TYW1: variants seen among roughly 807,000 people sequenced by gnomAD.
TYW1 encodes the protein tRNA-yW synthesizing protein 1 homolog, also known as S-adenosyl-L-methionine-dependent tRNA 4-demethylwyosine synthase TYW1.
Under a neutral mutation model 96.2 loss-of-function variants are expected in TYW1, and 46 were observed. The observed-to-expected ratio is 0.48, with a 90% CI of 0.38 to 0.61. TYW1 has a LOEUF of 0.61. Ranked by LOEUF, TYW1 falls within the 20% of genes least tolerant of loss-of-function variation. The pLI, the probability that TYW1 is intolerant of heterozygous loss-of-function variation, is 0.00. For missense variants in TYW1, 684 were observed against 909.6 expected (o/e 0.75, Z 3.19); for synonymous variants, 274 against 323.0 (o/e 0.85, Z 1.63).
intron 11 of TYW1, among the ~76,000 whole-genome samples, chr7:67,084,910 C>T (rs1235475485): frequency 1.3e-5 from 2 of 152,198 alleles, no homozygotes; most frequent in Non-Finnish European, 2.9e-5. Context: ...CATAAAGCAA[C>T]AGCTGTAGGT....
At chr7:67,094,840 A>C (rs1796843834) in intron 11 of TYW1, among the ~76,000 whole-genome samples, 1 of 152,112 alleles carries the variant, frequency 6.6e-6, no homozygotes, top group African/African-American at 2.4e-5. Flanking sequence ...TATTTTGGAC[A>C]GATCATTCTC....
chr7:67,039,301 C>T (rs1375105862), intron 7 of TYW1, among the ~76,000 whole-genome samples: 1 of 151,720 alleles, frequency 6.6e-6, no homozygotes, highest in Non-Finnish European at 1.5e-5. Flanking sequence ...CTAAAAAATA[C>T]AAAAATATTA....
At chr7:67,200,012 T>C (rs1354714518) in intron 15 of TYW1, among the ~76,000 whole-genome samples, 1 of 152,124 alleles carries the variant, frequency 6.6e-6, no homozygotes, top group Non-Finnish European at 1.5e-5. Context: ...TGAAGTGAAG[T>C]AGGCAGTTAA....
At chr7:67,042,541 G>A (rs1459611360) in intron 7 of TYW1, among the ~76,000 whole-genome samples, 1 of 152,160 alleles carries the variant, frequency 6.6e-6, no homozygotes, top group Non-Finnish European at 1.5e-5. Flanking sequence ...TTGGAGCTGT[G>A]ACATAGAGAA....
At chr7:67,096,697 C>G (rs1796930225) in intron 11 of TYW1, among the ~76,000 whole-genome samples, 1 of 151,810 alleles carries the variant, frequency 6.6e-6, no homozygotes. Flanking sequence ...AAGCCCAGTA[C>G]CCATTAGTTG....
intron 13 of TYW1, among the ~76,000 whole-genome samples, chr7:67,148,687 T>C (rs1463194677): frequency 6.6e-6 from 1 of 152,062 alleles, no homozygotes; most frequent in Non-Finnish European, 1.5e-5. Context: ...CACCTTGGCC[T>C]CCCAAAATGC....
intron 15 of TYW1, among the ~76,000 whole-genome samples, chr7:67,222,643 G>A (rs1457589384): frequency 2.0e-5 from 3 of 151,954 alleles, no homozygotes; most frequent in African/African-American, 7.3e-5. Context: ...TGATTATAAT[G>A]TGTCTTGGTG....
chr7:66,998,059 A>G lies in TYW1; in HGVS notation c.5-6A>G, dbSNP rs766941062. ...AATGAAATTGTGTGTGTCATTTTAA[A>G]TTTAGATCCTTCTGCGGATACATGG... On this transcript the variant is annotated splice_polypyrimidine_tract_variant and splice_region_variant and intron_variant, in intron 1 of 15. Coordinates refer to ENST00000359626, the MANE Select transcript of TYW1 (RefSeq NM_018264.4). The G allele has an allele frequency of 1.9e-6, 3 of 1,579,336 alleles. No homozygotes were observed. The South Asian group carries it at 3.5e-5, about 19-fold the overall frequency.
At chr7:67,192,714 A>G (rs11761577) in intron 14 of TYW1, among the ~76,000 whole-genome samples, 44,015 of 151,988 alleles carry the variant, frequency 0.29, 7,066 homozygotes, top group African/African-American at 0.43. Flanking sequence ...GGGGCTCACT[A>G]CCTGATGCTC....
At chr7:67,042,497 T>C (rs533543373) in intron 7 of TYW1, among the ~76,000 whole-genome samples, 18 of 152,258 alleles carry the variant, frequency 1.2e-4, no homozygotes, top group Admixed American at 1.0e-3. Flanking sequence ...CTAAACAGTT[T>C]GGTGTGCCTA....
intron 13 of TYW1, among the ~76,000 whole-genome samples, chr7:67,167,906 C>T (rs865849115): frequency 6.6e-6 from 1 of 151,766 alleles, no homozygotes; most frequent in African/African-American, 2.4e-5. Context: ...AGGTACCCAC[C>T]ACCACGCCCA....
In TYW1 at chr7:67,098,526, C is replaced by T. The variant is rs1438235305; in HGVS notation, c.1385-15C>T. 3.9e-6 allele frequency: 6 copies of T among 1,551,146 alleles called. No homozygotes were observed. Among genetic ancestry groups the T allele is most frequent in the South Asian group, 3.6e-5 (3 of 83,376 alleles). On this transcript the variant is annotated splice_polypyrimidine_tract_variant and intron_variant, in intron 11 of 15. Coordinates refer to ENST00000359626, the MANE Select transcript of TYW1 (RefSeq NM_018264.4). ...GTGCCTTATGTAGCTGGGTCCTTCT[C>T]ACTGTATTCTCCAGGAGTACCGGGC...
chr7:67,162,619 A>C (rs1584638889), intron 13 of TYW1, among the ~76,000 whole-genome samples: 1 of 152,140 alleles, frequency 6.6e-6, no homozygotes, highest in Admixed American at 6.5e-5. Context: ...CATGGAGTCC[A>C]GTTATTTCTA....
intron 13 of TYW1, among the ~76,000 whole-genome samples, chr7:67,146,868 T>C (rs10269534): frequency 0.26 from 39,141 of 151,450 alleles, 5,551 homozygotes; most frequent in African/African-American, 0.38. Context: ...ATTCAACAGA[T>C]GACTTTCATT....
chr7:67,039,844 G>A (rs1289760783), intron 7 of TYW1, among the ~76,000 whole-genome samples: 1 of 151,818 alleles, frequency 6.6e-6, no homozygotes, highest in African/African-American at 2.4e-5. Context: ...TGTATTTTTA[G>A]TATAGACGGG....
Position 67,098,570 on chromosome 7 carries a change from G to A in TYW1, c.1414G>A (p.Glu472Lys), listed in dbSNP as rs2115860650. 1 of 1,597,740 alleles carries A rather than the reference G, an allele frequency of 6.3e-7. No individual in the cohort carries two copies. Among genetic ancestry groups the A allele is most frequent in the Non-Finnish European group, 8.5e-7 (1 of 1,169,744 alleles). ...GVPGVKAERF[E>K]EGMTVKHCAL... is the part of the protein sequence containing the mutation. ...ACCGGGCGTCAAAGCAGAACGCTTT[G>A]AAGAAGGAATGACGGTAAAGCACTG... The change falls in exon 12 of 16, where the codon GAA (glutamate) becomes AAA (lysine). Residue 472 changes from glutamate to lysine, a missense_variant. By Grantham distance (56) the Glu-to-Lys change is moderately conservative. Transcript: ENST00000359626.
intron 13 of TYW1, among the ~76,000 whole-genome samples, chr7:67,161,162 A>G (rs1426532607): frequency 6.6e-6 from 1 of 152,186 alleles, no homozygotes; most frequent in African/African-American, 2.4e-5. Context: ...CATAAAATAC[A>G]TGCTATGTTC....
intron 15 of TYW1, among the ~76,000 whole-genome samples, chr7:67,202,955 T>C (rs1303674983): frequency 2.0e-5 from 3 of 152,186 alleles, no homozygotes; most frequent in Non-Finnish European, 4.4e-5. Context: ...AATCAGGAAA[T>C]AGACATTGGT....
At chr7:67,034,361 C>T (rs1297037183) in intron 7 of TYW1, among the ~76,000 whole-genome samples, 2 of 152,100 alleles carry the variant, frequency 1.3e-5, no homozygotes, top group Non-Finnish European at 2.9e-5. Context: ...CTGCCTTGGC[C>T]TCCCAAAGTG....
Sources: allele counts gnomAD v4.1 joint callset (sites outside exome capture counted in the v4.1 genomes callset), GRCh38; gene constraint gnomAD v4.1.1; transcripts MANE v1.5; gene names NCBI Gene and HGNC (gene_info 2026-07-23, HGNC 2026-07-21).